Variants in GMDS observed in about 807,000 individuals in gnomAD.
The protein encoded by GMDS is GDP-mannose 4,6 dehydratase.
GMDS carries 20 observed loss-of-function variants against 49.9 expected under a neutral mutation model. The observed-to-expected ratio is 0.40, with a 90% CI of 0.28 to 0.58. The LOEUF is 0.58. Among genes scored for constraint, GMDS ranks in the 20% least tolerant of loss-of-function variants. The probability of loss-of-function intolerance (pLI) is 0.42; values close to 1 mark genes in which losing one functional copy is unlikely to be tolerated. For synonymous variants in GMDS, 177 were observed against 178.6 expected (o/e 0.99, Z 0.07); for missense variants, 362 against 481.4 (o/e 0.75, Z 2.32).
intron 4 of GMDS, among the ~76,000 whole-genome samples, chr6:2,042,829 A>C (rs1250016096): frequency 6.6e-6 from 1 of 152,190 alleles, no homozygotes; most frequent in Non-Finnish European, 1.5e-5. Flanking sequence ...GACTATAATT[A>C]CTTTCCACTC....
intron 9 of GMDS, among the ~76,000 whole-genome samples, chr6:1,653,883 T>G (rs1763792209): frequency 2.0e-5 from 3 of 152,058 alleles, no homozygotes. Context: ...TGACATTGGG[T>G]TTGGCAATGA....
intron 9 of GMDS, among the ~76,000 whole-genome samples, chr6:1,711,434 C>T (rs2113393789): frequency 6.6e-6 from 1 of 152,338 alleles, no homozygotes; most frequent in South Asian, 2.1e-4. Context: ...TGCGGTTTTG[C>T]TTAAAGTAGT....
intron 7 of GMDS, among the ~76,000 whole-genome samples, chr6:1,752,901 G>A (rs965540817): frequency 1.3e-5 from 2 of 152,094 alleles, no homozygotes; most frequent in Admixed American, 6.5e-5. Context: ...ATATGGAAAG[G>A]AAAAACCGGT....
chr6:1,878,701 T>C (rs1759221164), intron 7 of GMDS, among the ~76,000 whole-genome samples: 1 of 152,196 alleles, frequency 6.6e-6, no homozygotes, highest in African/African-American at 2.4e-5. Flanking sequence ...TCAGTAAATA[T>C]AAATATGAAG....
At chr6:1,972,933 G>C (rs1764701001) in intron 4 of GMDS, among the ~76,000 whole-genome samples, 1 of 152,180 alleles carries the variant, frequency 6.6e-6, no homozygotes, top group East Asian at 1.9e-4. Flanking sequence ...ACATTATTCT[G>C]AGAATATCCA....
At chr6:2,009,750 T>A (rs1199045455) in intron 4 of GMDS, among the ~76,000 whole-genome samples, 1 of 152,214 alleles carries the variant, frequency 6.6e-6, no homozygotes, top group Non-Finnish European at 1.5e-5. Context: ...CAGAATGTGA[T>A]AAAAGCTGCC....
intron 9 of GMDS, among the ~76,000 whole-genome samples, chr6:1,680,672 G>A (rs1454846705): frequency 2.0e-5 from 3 of 152,164 alleles, no homozygotes; most frequent in Non-Finnish European, 2.9e-5. Context: ...TGTCATGAAC[G>A]GCGTATGTTC....
intron 4 of GMDS, among the ~76,000 whole-genome samples, chr6:2,101,622 G>A (rs1485075336): frequency 6.6e-6 from 1 of 151,950 alleles, no homozygotes; most frequent in Non-Finnish European, 1.5e-5. Context: ...GACGAAATAT[G>A]AGCAATACAT....
intron 4 of GMDS, among the ~76,000 whole-genome samples, chr6:2,089,061 A>C (rs893529492): frequency 6.6e-6 from 1 of 152,060 alleles, no homozygotes; most frequent in African/African-American, 2.4e-5. Flanking sequence ...AAAACAAAAC[A>C]AAAAAAACTA....
rs1284821457 is a variant in GMDS, at chr6:1,737,542, CCACACACACAGATA to C, written c.890+4912_890+4925del. Among the ~76,000 whole-genome samples, 8 of 149,714 alleles carry C rather than the reference CCACACACACAGATA, an allele frequency of 5.3e-5. No individual in the cohort carries two copies. The South Asian group carries it at 1.3e-3, about 24-fold the overall frequency. ...ACACAGAGATACACACACATACACA[CCACACACACAGATA>C]CACACACACACCACACACACAAAAA... On this transcript the variant is annotated intron_variant, in intron 8 of 10. Transcript: ENST00000380815.
intron 7 of GMDS, among the ~76,000 whole-genome samples, chr6:1,923,795 G>A (rs180714211): frequency 9.2e-5 from 14 of 152,324 alleles, no homozygotes; most frequent in Admixed American, 7.8e-4. Flanking sequence ...TTTAAATGAC[G>A]TCTCTTCCTT....
chr6:1,999,715 A>T (rs1332987818), intron 4 of GMDS, among the ~76,000 whole-genome samples: 2 of 149,882 alleles, frequency 1.3e-5, no homozygotes, highest in African/African-American at 4.9e-5. Flanking sequence ...GAATGACAGG[A>T]ATTAGGACAA....
intron 1 of GMDS, among the ~76,000 whole-genome samples, chr6:2,215,842 C>T (rs1217969738): frequency 6.6e-6 from 1 of 152,060 alleles, no homozygotes; most frequent in Non-Finnish European, 1.5e-5. Flanking sequence ...ATTGTGTTAA[C>T]AAACTATTAT....
At chr6:2,057,377 G>T (rs1770840977) in intron 4 of GMDS, among the ~76,000 whole-genome samples, 1 of 152,106 alleles carries the variant, frequency 6.6e-6, no homozygotes, top group South Asian at 2.1e-4. Flanking sequence ...ATTCATACTT[G>T]ACACTTACAT....
intron 4 of GMDS, among the ~76,000 whole-genome samples, chr6:2,026,626 A>G (rs969766769): frequency 6.6e-6 from 1 of 152,226 alleles, no homozygotes; most frequent in Non-Finnish European, 1.5e-5. Flanking sequence ...TTTTAATTTT[A>G]GCATGAACAT....
At chr6:1,624,641 G>A (rs1292745278) in intron 9 of GMDS, 101 bp from the exon 10 acceptor site, 9 of 785,024 alleles carry the variant, frequency 1.1e-5, no homozygotes, top group Non-Finnish European at 1.7e-5. Flanking sequence ...CCCTCTGGGC[G>A]CACAAGGCTC....
intron 9 of GMDS, among the ~76,000 whole-genome samples, chr6:1,634,996 G>A (rs1197567783): frequency 2.0e-5 from 3 of 152,172 alleles, no homozygotes; most frequent in African/African-American, 7.2e-5. Flanking sequence ...GACATTCTAC[G>A]AATCAACAAT....
intron 7 of GMDS, among the ~76,000 whole-genome samples, chr6:1,876,053 C>T (rs1227663721): frequency 6.7e-6 from 1 of 148,486 alleles, no homozygotes; most frequent in Non-Finnish European, 1.5e-5. Flanking sequence ...AAAATGTGAG[C>T]ATAAATAATG....
intron 9 of GMDS, among the ~76,000 whole-genome samples, chr6:1,720,174 G>C (rs1294033439): frequency 6.6e-6 from 1 of 152,158 alleles, no homozygotes; most frequent in African/African-American, 2.4e-5. Context: ...GAGGAAGTTG[G>C]GGTTATTACA....
Sources: allele counts gnomAD v4.1 joint callset (sites outside exome capture counted in the v4.1 genomes callset), GRCh38; gene constraint gnomAD v4.1.1; transcripts MANE v1.5; gene names NCBI Gene and HGNC (gene_info 2026-07-23, HGNC 2026-07-21).